GNAO1: variants seen among roughly 807,000 people sequenced by gnomAD.
The protein encoded by GNAO1 is G protein subunit alpha o1.
For synonymous variants in GNAO1, 164 were observed against 180.7 expected (o/e 0.91, Z 0.74); for missense variants, 166 against 478.7 (o/e 0.35, Z 6.10).
At chr16:56,299,361 GCCTGCTT>G (rs2037319300) in intron 3 of GNAO1, among the ~76,000 whole-genome samples, 1 of 152,250 alleles carries the variant, frequency 6.6e-6, no homozygotes, top group Admixed American at 6.5e-5. Context: ...GGGCCCTGGG[GCCTGCTT>G]CCTCCGATCT....
At chr16:56,198,204 C>A (rs1468831303) in intron 2 of GNAO1, among the ~76,000 whole-genome samples, 2 of 152,224 alleles carry the variant, frequency 1.3e-5, no homozygotes, top group African/African-American at 4.8e-5. Flanking sequence ...TTGAGAAGAG[C>A]ACTCACCTCA....
chr16:56,195,766 T>A (rs2036226788), intron 2 of GNAO1, among the ~76,000 whole-genome samples: 1 of 152,258 alleles, frequency 6.6e-6, no homozygotes, highest in African/African-American at 2.4e-5. Context: ...AGAATGTGGA[T>A]ATTCAGACAT....
At chr16:56,352,549 T>C (rs1467313952) in intron 7 of GNAO1, 1 of 152,308 alleles carries the variant, frequency 6.6e-6, no homozygotes, top group Non-Finnish European at 1.5e-5. Flanking sequence ...CAGGAACCCA[T>C]GTTCTGACAG....
intron 3 of GNAO1, among the ~76,000 whole-genome samples, chr16:56,290,920 T>G (rs1462805015): frequency 2.0e-5 from 3 of 152,246 alleles, no homozygotes; most frequent in Non-Finnish European, 4.4e-5. Flanking sequence ...GCATCTTGCT[T>G]CTTTCACTTG....
In GNAO1 at chr16:56,283,769, T is replaced by G. The variant is rs141549882; in HGVS notation, c.303+7697T>G. ...CAAACACGAGGCCAGGAAGAGGATG[T>G]AGATGTGTCCCATGCTGGGTGCTGA... On this transcript the variant is annotated intron_variant, in intron 3 of 8. Coordinates refer to ENST00000262493, the MANE Select transcript of GNAO1 (RefSeq NM_020988.3). Among the ~76,000 whole-genome samples the G allele has an allele frequency of 8.3e-3, 1,271 of 152,258 alleles. 8 individuals are homozygous for G. The highest frequency in any genetic ancestry group is 0.013 in the Non-Finnish European group (879 of 68,014).
chr16:56,304,701 G>T (rs1435484750), intron 3 of GNAO1, among the ~76,000 whole-genome samples: 1 of 152,142 alleles, frequency 6.6e-6, no homozygotes, highest in Non-Finnish European at 1.5e-5. Flanking sequence ...AATATTAGTG[G>T]GTTTGAAATT....
intron 4 of GNAO1, among the ~76,000 whole-genome samples, chr16:56,330,962 A>C (rs1327877765): frequency 2.0e-5 from 3 of 152,188 alleles, no homozygotes; most frequent in Non-Finnish European, 4.4e-5. Context: ...GGGGACACAC[A>C]GGTGGCCAGG....
chr16:56,195,016 A>T (rs1478890710), intron 2 of GNAO1, among the ~76,000 whole-genome samples: 6 of 149,130 alleles, frequency 4.0e-5, no homozygotes, highest in African/African-American at 1.5e-4. Flanking sequence ...GAAGTGAGTG[A>T]TGTTTGAGAT....
chr16:56,232,093 A>G (rs899091578), intron 2 of GNAO1, among the ~76,000 whole-genome samples: 1 of 152,174 alleles, frequency 6.6e-6, no homozygotes, highest in Non-Finnish European at 1.5e-5. Flanking sequence ...GAAACACAGC[A>G]AGGCGTTGAC....
chr16:56,346,137 C>A, intron 6 of GNAO1: 1 of 985,508 alleles, frequency 1.0e-6, no homozygotes. Flanking sequence ...CTCAATCCTC[C>A]CACCCTAGCC....
intron 6 of GNAO1, chr16:56,340,488 G>A (rs751150390): frequency 1.5e-4 from 34 of 231,966 alleles, no homozygotes; most frequent in Non-Finnish European, 2.3e-4. Context: ...TGGTGGTTGC[G>A]GCCCCTGCGC....
chr16:56,310,631 G>A (rs1461751532), intron 3 of GNAO1, among the ~76,000 whole-genome samples: 13 of 152,156 alleles, frequency 8.5e-5, no homozygotes, highest in South Asian at 2.1e-4. Context: ...AAGAGGGACC[G>A]TACTCAGTAA....
chr16:56,283,484 A>G (rs1478492013), intron 3 of GNAO1, among the ~76,000 whole-genome samples: 1 of 152,230 alleles, frequency 6.6e-6, no homozygotes, highest in African/African-American at 2.4e-5. Flanking sequence ...CTGGTAAAAG[A>G]AATCTTGACA....
chr16:56,346,325 G>C, intron 6 of GNAO1: 1 of 985,408 alleles, frequency 1.0e-6, no homozygotes, highest in Non-Finnish European at 1.2e-6. Context: ...AGTGACACGT[G>C]TGGGTTTCTA....
chr16:56,193,837 C>T (rs1322565777), intron 2 of GNAO1: 1 of 346,602 alleles, frequency 2.9e-6, no homozygotes, highest in Admixed American at 3.8e-5. Context: ...GAAGATTCCA[C>T]GTCGCTTTGC....
intron 6 of GNAO1, among the ~76,000 whole-genome samples, chr16:56,350,982 C>G (rs1442635314): frequency 6.6e-6 from 1 of 151,842 alleles, no homozygotes; most frequent in Non-Finnish European, 1.5e-5. Flanking sequence ...CACACATAGG[C>G]ACACATGCAC....
chr16:56,236,395 G>C (rs961378005), intron 2 of GNAO1, among the ~76,000 whole-genome samples: 1 of 152,170 alleles, frequency 6.6e-6, no homozygotes, highest in Non-Finnish European at 1.5e-5. Flanking sequence ...TGAATCCATA[G>C]AATTGACCCT....
At position 56,347,151 on chromosome 16, in the gene GNAO1, G is replaced by A. The variant is rs1186546126; in HGVS notation, c.724-4233G>A. ...ACTGTTTCCTCCAAGTCAGCTAGTG[G>A]CCTGCCCTCCTCCTTTTCAAGAAGT... is the stretch of plus-strand genomic sequence containing the variant. On this transcript the variant is annotated intron_variant, in intron 6 of 8. Coordinates refer to ENST00000262493, the MANE Select transcript of GNAO1 (RefSeq NM_020988.3). 37 of 985,284 alleles carry A rather than the reference G, an allele frequency of 3.8e-5. 1 individual carries two copies. The South Asian group carries it at 1.7e-3, about 45-fold the overall frequency. The allele number at this position is 985,284 out of a possible 1,614,324, so 61.0% of individuals were successfully genotyped here. A position where few individuals can be genotyped will look rare whatever the true frequency, so the allele number is the denominator to read the frequency against.
intron 2 of GNAO1, among the ~76,000 whole-genome samples, chr16:56,213,570 C>A (rs764970032): frequency 1.3e-5 from 2 of 152,040 alleles, no homozygotes; most frequent in Admixed American, 1.3e-4. Context: ...GTTTTGAACT[C>A]CTGAGCTTAA....
Sources: allele counts gnomAD v4.1 joint callset (sites outside exome capture counted in the v4.1 genomes callset), GRCh38; gene constraint gnomAD v4.1.1; transcripts MANE v1.5; gene names NCBI Gene and HGNC (gene_info 2026-07-23, HGNC 2026-07-21).